RABGAP1L: variants seen among roughly 807,000 people sequenced by gnomAD.
RABGAP1L encodes RAB GTPase activating protein 1 like.
A neutral mutation model predicts 137.7 loss-of-function variants in RABGAP1L; 63 were observed. That is an observed-to-expected ratio of 0.46 (90% CI 0.37 to 0.56). RABGAP1L has a LOEUF of 0.56. RABGAP1L is among the 20% of genes least tolerant of loss of function. The pLI is 0.00. For missense variants in RABGAP1L, 1,095 were observed against 1,244.0 expected (o/e 0.88, Z 1.80); for synonymous variants, 431 against 433.7 (o/e 0.99, Z 0.08).
intron 10 of RABGAP1L, among the ~76,000 whole-genome samples, chr1:174,287,206 C>A (rs146867647): frequency 1.3e-5 from 2 of 152,132 alleles, no homozygotes; most frequent in Non-Finnish European, 2.9e-5. Flanking sequence ...TAATGAGGTA[C>A]CCTGATGTTA....
chr1:174,951,478 A>G (rs931690473), intron 19 of RABGAP1L, among the ~76,000 whole-genome samples: 2 of 152,244 alleles, frequency 1.3e-5, no homozygotes, highest in African/African-American at 4.8e-5. Flanking sequence ...AAGGAATTAC[A>G]TACTTAGTGG....
chr1:174,231,245 C>A lies in RABGAP1L; in HGVS notation c.432C>A (p.Ser144=). Residue 144 remains serine, a synonymous_variant, in exon 4 of 26, where the codon TCC becomes TCA. Transcript: ENST00000681986. ...ACTTAGGATGTATGAAGGTTTCTTCCCCACGTAATGAAGTAGAGGCTTTAC... is the reference window on the plus strand; with the variant it reads ...ACTTAGGATGTATGAAGGTTTCTTCACCACGTAATGAAGTAGAGGCTTTAC... ...LTYLGCMKVS[S]PRNEVEALRA... 5 of 1,613,804 alleles carry A rather than the reference C, an allele frequency of 3.1e-6. No individual in the cohort carries two copies. The highest frequency in any genetic ancestry group is 3.3e-5 in the Admixed American group (2 of 59,994).
At chr1:174,708,345 G>T (rs978474208) in intron 17 of RABGAP1L, among the ~76,000 whole-genome samples, 14 of 152,140 alleles carry the variant, frequency 9.2e-5, no homozygotes, top group Admixed American at 5.9e-4. Context: ...TGACATAGGG[G>T]AGCTGGCAAG....
chr1:174,515,888 T>C (rs887124278), intron 13 of RABGAP1L, among the ~76,000 whole-genome samples: 2 of 150,732 alleles, frequency 1.3e-5, no homozygotes, highest in Admixed American at 1.3e-4. Context: ...TATCTTAAGT[T>C]GGGTCCTACT....
intron 11 of RABGAP1L, among the ~76,000 whole-genome samples, chr1:174,351,336 A>G (rs1315288690): frequency 1.3e-5 from 2 of 152,012 alleles, no homozygotes; most frequent in East Asian, 3.8e-4. Context: ...AACTCCCTTT[A>G]GCATTTCTTG....
intron 19 of RABGAP1L, among the ~76,000 whole-genome samples, chr1:174,873,510 AT>A (rs11339447): frequency 0.54 from 73,515 of 135,876 alleles, 20,325 homozygotes; most frequent in African/African-American, 0.74. Context: ...AGTTGAGATA[AT>A]TTTTTTTTTT....
intron 18 of RABGAP1L, among the ~76,000 whole-genome samples, chr1:174,765,268 G>T (rs1685576984): frequency 6.6e-6 from 1 of 152,122 alleles, no homozygotes. Context: ...CCTGATGTGG[G>T]ACATCTTTTC....
At chr1:174,978,299 C>G (rs1670819887) in intron 22 of RABGAP1L, among the ~76,000 whole-genome samples, 1 of 152,140 alleles carries the variant, frequency 6.6e-6, no homozygotes, top group Non-Finnish European at 1.5e-5. Context: ...AATCTCCTGT[C>G]CTTCTCAAAA....
At chr1:174,806,199 C>T (rs867450921) in intron 18 of RABGAP1L, among the ~76,000 whole-genome samples, 1 of 152,292 alleles carries the variant, frequency 6.6e-6, no homozygotes, top group Middle Eastern at 3.4e-3. Flanking sequence ...ATCTTATGAT[C>T]GCAAGATCAT....
At chr1:174,288,285 A>G (rs563811248) in intron 10 of RABGAP1L, among the ~76,000 whole-genome samples, 7 of 151,714 alleles carry the variant, frequency 4.6e-5, no homozygotes, top group African/African-American at 1.7e-4. Flanking sequence ...TTGACTATCT[A>G]TTTGCTTTTA....
chr1:174,585,420 C>T (rs890956540), intron 13 of RABGAP1L, among the ~76,000 whole-genome samples: 1 of 152,116 alleles, frequency 6.6e-6, no homozygotes, highest in Admixed American at 6.5e-5. Context: ...ACAGGTAAGG[C>T]ACATAAAAAT....
chr1:174,574,250 T>C (rs1468359252), intron 13 of RABGAP1L, among the ~76,000 whole-genome samples: 1 of 152,196 alleles, frequency 6.6e-6, no homozygotes, highest in Non-Finnish European at 1.5e-5. Context: ...TCCACACATT[T>C]CCTGATATAT....
intron 11 of RABGAP1L, among the ~76,000 whole-genome samples, chr1:174,343,367 G>A (rs1463077772): frequency 6.6e-6 from 1 of 152,104 alleles, no homozygotes; most frequent in African/African-American, 2.4e-5. Context: ...CCAAATTTCT[G>A]TCCAGAAAGA....
intron 1 of RABGAP1L, among the ~76,000 whole-genome samples, chr1:174,180,521 A>G (rs1334056408): frequency 1.3e-5 from 2 of 152,176 alleles, no homozygotes; most frequent in Non-Finnish European, 2.9e-5. Flanking sequence ...TTAGAGTACA[A>G]TAGTGTGATC....
At chr1:174,247,675 C>T (rs1323238035) in intron 5 of RABGAP1L, among the ~76,000 whole-genome samples, 2 of 152,188 alleles carry the variant, frequency 1.3e-5, no homozygotes, top group East Asian at 3.9e-4. Context: ...CATCATGGTG[C>T]CCTGCATTTG....
chr1:174,675,853 A>G (rs1309513267), intron 14 of RABGAP1L, among the ~76,000 whole-genome samples: 1 of 152,144 alleles, frequency 6.6e-6, no homozygotes, highest in Non-Finnish European at 1.5e-5. Flanking sequence ...ACGTTTTTGA[A>G]AGAAGCATAT....
At position 174,636,213 on chromosome 1, in the gene RABGAP1L, A is replaced by C. The variant is rs377613101; in HGVS notation, c.1711-1162A>C. Among the ~76,000 whole-genome samples, 4 of 152,198 alleles carry C rather than the reference A, an allele frequency of 2.6e-5. No individual in the cohort carries two copies. In the South Asian group the frequency reaches 6.2e-4, roughly 24 times the overall value. The stretch of plus-strand genomic sequence containing the variant: ...GGTTTTGGTTTCTAAATTTGTCTTC[A>C]ACAAATATCTAGGCTTATCTTTAAA... On this transcript the variant is annotated intron_variant, in intron 13 of 25. Transcript: ENST00000681986.
chr1:174,946,640 C>A (rs1452524559), intron 19 of RABGAP1L, among the ~76,000 whole-genome samples: 2 of 151,920 alleles, frequency 1.3e-5, no homozygotes, highest in Admixed American at 1.3e-4. Flanking sequence ...GTGGCTCACG[C>A]CTGTCATCCT....
At chr1:174,497,911 AC>A (rs1046269154) in intron 13 of RABGAP1L, among the ~76,000 whole-genome samples, 2 of 144,166 alleles carry the variant, frequency 1.4e-5, no homozygotes, top group African/African-American at 6.0e-5. Context: ...TCTGACAGTG[AC>A]TGTCTTCAAA....
Sources: gnomAD v4.1 joint callset for allele counts (sites outside exome capture counted in the v4.1 genomes callset) on GRCh38, gnomAD v4.1.1 for gene constraint, MANE v1.5 for transcripts, NCBI Gene and HGNC (gene_info 2026-07-23, HGNC 2026-07-21) for gene names.